XAB2: variants seen among roughly 807,000 people sequenced by gnomAD.
XAB2 encodes XPA binding protein 2, also known as pre-mRNA-splicing factor SYF1.
Under a neutral mutation model 113.4 loss-of-function variants are expected in XAB2, and 57 were observed. The ratio of observed to expected loss-of-function variants is 0.50; its 90% CI spans 0.41 to 0.63. The LOEUF is 0.63. Among genes scored for constraint, XAB2 ranks in the 20% least tolerant of loss-of-function variants. The probability of loss-of-function intolerance (pLI) is 0.00; values close to 1 mark genes in which losing one functional copy is unlikely to be tolerated. For synonymous variants in XAB2, 497 were observed against 498.8 expected (o/e 1.00, Z 0.05); for missense variants, 1,037 against 1,233.3 (o/e 0.84, Z 2.38).
Position 7,626,219 on chromosome 19 carries a change from G to A in XAB2, c.574C>T (p.Arg192Trp), listed in dbSNP as rs754117673. The A allele has an allele frequency of 1.1e-5, 18 of 1,613,634 alleles. No individual in the cohort carries two copies. The highest frequency in any genetic ancestry group is 3.3e-5 in the Admixed American group (2 of 60,032). Residue 192 changes from arginine to tryptophan, a missense_variant, in exon 5 of 19, where the codon CGG (arginine) becomes TGG (tryptophan). Transcript: ENST00000358368. ...AGGCGCTGGGCGGCCTCATCCAGCC[G>A]GTCACTTGACTTGAGGTACTCAATG... is the stretch of plus-strand genomic sequence containing the variant. The part of the protein sequence containing the change: ...EYIEYLKSSD[R>W]LDEAAQRLAT...
chr19:7,621,075 CG>C, intron 13 of XAB2, 39 bp from the exon 14 acceptor site: 4 of 1,538,630 alleles, frequency 2.6e-6, no homozygotes, highest in Non-Finnish European at 3.5e-6. Context: ...CACGGTCAGC[CG>C]GGGCCAGTCA....
At chr19:7,626,751 TGTCCAGCCTGGGCCCCACGG>T (rs1176187689) in intron 4 of XAB2, among the ~76,000 whole-genome samples, 2 of 150,308 alleles carry the variant, frequency 1.3e-5, no homozygotes, top group Admixed American at 6.6e-5. Context: ...TTGACTATAG[TGTCCAGCCTGGGCCCCACGG>T]GTCCAGCCTC....
chr19:7,623,001 C>T lies in XAB2; in HGVS notation c.1240-108G>A, dbSNP rs922191369. 2.6e-6 allele frequency: 4 copies of T among 1,546,052 alleles called. No homozygotes were observed. The East Asian group carries it at 9.5e-5, about 37-fold the overall frequency. On this transcript the variant is annotated intron_variant, in intron 9 of 18. Transcript: ENST00000358368. The surrounding 1 kb of genome is among the most constrained non-coding windows in gnomAD (Gnocchi z 4.6). Reference sequence around the variant, plus strand: ...TCACAAACATACAGGCACAAACACACAGGCACACACACAGGCACACACATG... The same window carrying T: ...TCACAAACATACAGGCACAAACACATAGGCACACACACAGGCACACACATG...
rs2031085007 is a variant in XAB2 at position 7,623,822 on chromosome 19, A to G, written c.1028T>C (p.Leu343Pro). 7.4e-6 allele frequency: 12 copies of G among 1,611,030 alleles called. No individual in the cohort carries two copies. The highest frequency in any genetic ancestry group is 1.3e-5 in the African/African-American group (1 of 74,796). ...GCGCAGCAAGACGCTGTTGAGGAGC[A>G]GGGGCCGCCGGCTGATGAGCTGCTC... is the stretch of plus-strand genomic sequence containing the variant. ...RFEQLISRRP[L>P]LLNSVLLRQN... is the part of the protein sequence containing the mutation. Residue 343 changes from leucine to proline, a missense_variant, in exon 8 of 19, where the codon CTG (leucine) becomes CCG (proline). Physicochemically the swap from Leu to Pro is moderately conservative, Grantham distance 98. Coordinates refer to ENST00000358368, the MANE Select transcript of XAB2 (RefSeq NM_020196.3). This position sits in a 1 kb window ranked among gnomAD's most constrained non-coding sequence, Gnocchi z 4.6.
At position 7,623,504 on chromosome 19, in the gene XAB2, G is replaced by A. The variant is rs552718905; in HGVS notation, c.1120-215C>T. On this transcript the variant is annotated intron_variant, in intron 8 of 18. Coordinates refer to ENST00000358368, the MANE Select transcript of XAB2 (RefSeq NM_020196.3). The surrounding 1 kb of genome is among the most constrained non-coding windows in gnomAD (Gnocchi z 4.6). The stretch of plus-strand genomic sequence containing the variant: ...GGAGAGAGCTGTGACCCTCCAAGGG[G>A]CGGGGCCACGAGGGAGCTGTGGCCC... Among the ~76,000 whole-genome samples, 1 of 152,142 alleles carries A rather than the reference G, an allele frequency of 6.6e-6. No individual in the cohort carries two copies. The highest frequency in any genetic ancestry group is 1.9e-4 in the East Asian group (1 of 5,168).
At position 7,627,254 on chromosome 19, in the gene XAB2, G is replaced by C; in HGVS notation, c.511C>G (p.Arg171Gly). Reference sequence around the variant, plus strand: ...CCTGCTAGGCTCACCTTGAGGAAGCGCCGATAGCCTCGCACAGCTGTCTCA... The same window carrying C: ...CCTGCTAGGCTCACCTTGAGGAAGCCCCGATAGCCTCGCACAGCTGTCTCA... ...LPETAVRGYR[R>G]FLKLSPESAE... The change falls in exon 4 of 19, where the codon CGC (arginine) becomes GGC (glycine). Residue 171 changes from arginine (R) to glycine (G), a missense_variant. Physicochemically the swap from Arg to Gly is moderately radical, Grantham distance 125 (BLOSUM62 -2). Coordinates refer to ENST00000358368, the MANE Select transcript of XAB2 (RefSeq NM_020196.3). This position sits in a 1 kb window ranked among gnomAD's most constrained non-coding sequence, Gnocchi z 4.5. The C allele has an allele frequency of 6.2e-7, 1 of 1,612,822 alleles. No individual in the cohort carries two copies. The highest frequency in any genetic ancestry group is 8.5e-7 in the Non-Finnish European group (1 of 1,179,982).
chr19:7,629,449 G>A (rs972485939), intron 1 of XAB2, 28 bp downstream of exon 1: 1 of 1,580,094 alleles, frequency 6.3e-7, no homozygotes, highest in African/African-American at 1.3e-5. Flanking sequence ...CCCAACGCAG[G>A]CCACCCCCGG....
At chr19:7,622,207 G>T in intron 12 of XAB2, 124 bp downstream of exon 12, 1 of 927,190 alleles carries the variant, frequency 1.1e-6, no homozygotes, top group Non-Finnish European at 1.7e-6. Context: ...CTAAATCTTT[G>T]TTGTTTAAGT....
intron 13 of XAB2, 45 bp downstream of exon 13, chr19:7,621,090 A>ACCCAAACCCCCCCCCCCCCCCCC: frequency 1.3e-6 from 2 of 1,533,028 alleles, no homozygotes; most frequent in African/African-American, 1.4e-5. Flanking sequence ...CCAGTCAGAA[A>ACCCAAACCCCCCCCCCCCCCCCC]CCCAGCCCGC....
rs749857638 is a variant in XAB2, at chr19:7,620,942, G to A, written c.1875C>T (p.Pro625=). 17 of 1,590,250 alleles carry A rather than the reference G, an allele frequency of 1.1e-5. No homozygotes were observed. The highest frequency in any genetic ancestry group is 5.7e-5 in the South Asian group (5 of 87,384). ...VYERATRAVE[P]AQQYDMFNIY... ...TGTTGAACATGTCATACTGCTGGGC[G>A]GGCTCCACGGCCCTGGTGGCACGCT... Residue 625 remains proline, a synonymous_variant, in exon 14 of 19, where the codon CCC becomes CCT. Coordinates refer to ENST00000358368, the MANE Select transcript of XAB2 (RefSeq NM_020196.3).
At chr19:7,619,722 G>GT (rs1568452390) in intron 18 of XAB2, 25 bp downstream of exon 18, 1 of 1,612,532 alleles carries the variant, frequency 6.2e-7, no homozygotes, top group East Asian at 2.2e-5. Flanking sequence ...TAATGCCACC[G>GT]TCCCCGCCCC....
intron 11 of XAB2, 32 bp downstream of exon 11, chr19:7,622,498 G>A: frequency 1.2e-6 from 2 of 1,613,732 alleles, no homozygotes; most frequent in Non-Finnish European, 1.7e-6. Flanking sequence ...TGAGTCCGGG[G>A]CCCCGTCCCT....
At position 7,628,224 on chromosome 19, in the gene XAB2, G is replaced by A. The variant is rs150056983; in HGVS notation, c.126C>T (p.Ile42=). 3.8e-5 allele frequency: 61 copies of A among 1,614,118 alleles called. No homozygotes were observed. The highest frequency in any genetic ancestry group is 4.9e-5 in the Non-Finnish European group (58 of 1,180,030). ...QFSVKCWLRY[I]EFKQGAPKPR... is the part of the protein sequence containing the mutation. ...GCTTCGGGGCGCCCTGTTTGAACTC[G>A]ATGTAGCGAAGCCAGCATTTGACAG... Residue 42 remains isoleucine, a synonymous_variant, in exon 2 of 19, where the codon ATC becomes ATT. Coordinates refer to ENST00000358368, the MANE Select transcript of XAB2 (RefSeq NM_020196.3). The surrounding 1 kb of genome is among the most constrained non-coding windows in gnomAD (Gnocchi z 4.6).
intron 12 of XAB2, 114 bp from the exon 13 acceptor site, chr19:7,621,411 T>C (rs1371311591): frequency 1.6e-6 from 2 of 1,224,068 alleles, no homozygotes; most frequent in Non-Finnish European, 2.3e-6. Context: ...CTTGGGGCCC[T>C]TCCCTGTCCA....
At position 7,623,847 on chromosome 19, in the gene XAB2, C is replaced by G; in HGVS notation, c.1003G>C (p.Glu335Gln). ...AGGGGCCGCCGGCTGATGAGCTGCT[C>G]GAAGCGGGCCAGGCGCAGCTCCAGG... is the stretch of plus-strand genomic sequence containing the variant. The part of the protein sequence containing the change: ...VDLELRLARF[E>Q]QLISRRPLLL... The change falls in exon 8 of 19, where the codon GAG becomes CAG. Residue 335 changes from glutamate to glutamine, a missense_variant. Coordinates refer to ENST00000358368, the MANE Select transcript of XAB2 (RefSeq NM_020196.3). This position sits in a 1 kb window ranked among gnomAD's most constrained non-coding sequence, Gnocchi z 4.6. 6.2e-7 allele frequency: 1 copy of G among 1,605,774 alleles called. No homozygotes were observed. Among genetic ancestry groups the G allele is most frequent in the Non-Finnish European group, 8.5e-7 (1 of 1,177,632 alleles).
rs1378295822 is a variant in XAB2 at position 7,622,381 on chromosome 19, TG to T, written c.1566del (p.Asn523ThrfsTer39). 1 of 1,614,176 alleles carries T rather than the reference TG, an allele frequency of 6.2e-7. No homozygotes were observed. Among genetic ancestry groups the T allele is most frequent in the Non-Finnish European group, 8.5e-7 (1 of 1,180,042 alleles). On this transcript the variant is annotated frameshift_variant, in exon 12 of 19. Coordinates refer to ENST00000358368, the MANE Select transcript of XAB2 (RefSeq NM_020196.3). LOFTEE classifies it high-confidence loss of function. ...TGCTCCTCCAGGAACATGGCATAGT[TG>T]ATGACGATCTGGGGTGTTGCGATAC... ...DLRIATPQIV[I>X]NYAMFLEEHK...
At position 7,623,672 on chromosome 19, in the gene XAB2, C is replaced by T. The variant is rs1332585929; in HGVS notation, c.1119+59G>A. On this transcript the variant is annotated intron_variant, in intron 8 of 18. Coordinates refer to ENST00000358368, the MANE Select transcript of XAB2 (RefSeq NM_020196.3). The surrounding 1 kb of genome is among the most constrained non-coding windows in gnomAD (Gnocchi z 4.6). Reference sequence around the variant, plus strand: ...TGACATTATGGGTGAAGGTGGGTGGCTCCCCAGTTCTGCAGGAAACTGGCC... The same window carrying T: ...TGACATTATGGGTGAAGGTGGGTGGTTCCCCAGTTCTGCAGGAAACTGGCC... 1 of 1,521,080 alleles carries T rather than the reference C, an allele frequency of 6.6e-7. No individual in the cohort carries two copies. The highest frequency in any genetic ancestry group is 1.4e-5 in the African/African-American group (1 of 72,426). 94.2% of individuals were successfully genotyped at this position (1,521,080 alleles called of 1,614,324 possible).
chr19:7,621,595 T>C lies in XAB2; in HGVS notation c.1618-298A>G. 6.8e-6 allele frequency: 3 copies of C among 438,866 alleles called. No individual in the cohort carries two copies. In the South Asian group the frequency reaches 1.1e-4, roughly 16 times the overall value. 27.2% of individuals were successfully genotyped at this position (438,866 alleles called of 1,614,324 possible). A position where few individuals can be genotyped will look rare whatever the true frequency, so the allele number is the denominator to read the frequency against. On this transcript the variant is annotated intron_variant, in intron 12 of 18. Transcript: ENST00000358368. ...CCCAGCTCCGCTGACGCTGGCTGCC[T>C]GTCCCCAGGGAGAAGGCCGCACCCC... is the stretch of plus-strand genomic sequence containing the variant.
chr19:7,622,973 T>C (rs2031066815), intron 9 of XAB2, 80 bp from the exon 10 acceptor site: 5 of 1,572,462 alleles, frequency 3.2e-6, no homozygotes, highest in East Asian at 4.7e-5. Context: ...AAGGTGACCA[T>C]GCTCACAAAC....
Sources: gnomAD v4.1 joint callset for allele counts (sites outside exome capture counted in the v4.1 genomes callset) on GRCh38, gnomAD v4.1.1 for gene constraint, Gnocchi (gnomAD v3.1) non-coding constraint, MANE v1.5 for transcripts, NCBI Gene and HGNC (gene_info 2026-07-23, HGNC 2026-07-21) for gene names.